MAP7D2: variants seen among roughly 807,000 people sequenced by gnomAD.
MAP7D2 encodes MAP7 domain containing 2.
Under a neutral mutation model 63.5 loss-of-function variants are expected in MAP7D2, and 33 were observed. The ratio of observed to expected loss-of-function variants is 0.52; its 90% confidence interval spans 0.39 to 0.70. MAP7D2 has a LOEUF of 0.70. Ranked by LOEUF, MAP7D2 falls within the 30% of genes least tolerant of loss-of-function variation. The probability of loss-of-function intolerance (pLI) is 0.00; values close to 1 mark genes in which losing one functional copy is unlikely to be tolerated. For synonymous variants in MAP7D2, 224 were observed against 223.7 expected, an observed-to-expected ratio of 1.00 and a Z score of -0.01; for missense variants, 626 against 604.0, an observed-to-expected ratio of 1.04 and a Z score of -0.38.
At position 20,034,564 on chromosome X, in the gene MAP7D2, T is replaced by C. The variant is rs182039422; in HGVS notation, c.1007+7938A>G. ...GGGCCTTTGGGAGGTGATTAGGTCA[T>C]GAAGGTGGAATCCTCCTGAATGGCA... is the stretch of plus-strand genomic sequence containing the variant. On this transcript the variant is annotated intron_variant, in intron 8 of 16. Transcript: ENST00000379643. 1.1e-3 allele frequency among the ~76,000 whole-genome samples: 118 copies of C among 111,488 alleles called. 1 individual carries two copies. The highest frequency in any genetic ancestry group is 5.7e-3 in the East Asian group (20 of 3,538).
At chrX:20,052,684 T>C (rs1231672577) in intron 5 of MAP7D2, among the ~76,000 whole-genome samples, 194 bp downstream of exon 5, 1 of 112,302 alleles carries the variant, frequency 8.9e-6, no homozygotes, top group Non-Finnish European at 1.9e-5. Flanking sequence ...AACAACGACC[T>C]GGCTCTAAAG....
chrX:20,054,845 G>A (rs996926036), intron 4 of MAP7D2, among the ~76,000 whole-genome samples: 5 of 111,928 alleles, frequency 4.5e-5, no homozygotes, highest in Middle Eastern at 4.6e-3. Flanking sequence ...GCCTCCCAAA[G>A]TGCTGGGATT....
chrX:20,112,802 C>T (rs774120602), intron 1 of MAP7D2, among the ~76,000 whole-genome samples: 1 of 111,770 alleles, frequency 8.9e-6, no homozygotes, highest in Non-Finnish European at 1.9e-5. Flanking sequence ...ATCAAATCCT[C>T]TCAACAAGAC....
intron 12 of MAP7D2, among the ~76,000 whole-genome samples, chrX:20,014,804 C>A (rs1259486664): frequency 1.8e-5 from 2 of 111,157 alleles, no homozygotes; most frequent in African/African-American, 6.6e-5. Context: ...GCAGGCTTAA[C>A]TTCCCGAGTT....
chrX:20,011,050 G>A lies in MAP7D2; in HGVS notation c.2075C>T (p.Pro692Leu). 8.3e-7 allele frequency: 1 copy of A among 1,206,699 alleles called. No homozygotes were observed. The highest frequency in any genetic ancestry group is 1.7e-5 in the African/African-American group (1 of 57,763). Reference protein sequence around the residue: ...TEEVQSMDVSPVSKEELISIP... With the variant: ...TEEVQSMDVSLVSKEELISIP... ...AGAGATAAGCTCTTCTTTTGAAACA[G>A]GACTAGAAGAGATGAACGAGAGGGA... The change falls in exon 16 of 17, where the codon CCT becomes CTT. Residue 692 changes from proline (P) to leucine (L), a missense_variant and splice_region_variant. Transcript: ENST00000379643.
Position 20,110,656 on chromosome X carries a change from CTG to C in MAP7D2, c.130+6092_130+6093del, listed in dbSNP as rs1273099856. On this transcript the variant is annotated intron_variant, in intron 1 of 16. Transcript: ENST00000379643. ...CCAGCCTGGGTGACAAAGTGAGACT[CTG>C]TCTCAAAAAAAAAAAAAAAAAAAAA... Among the ~76,000 whole-genome samples, 61 of 86,849 alleles carry C rather than the reference CTG, an allele frequency of 7.0e-4. 1 individual carries two copies. The highest frequency in any genetic ancestry group is 2.6e-3 in the African/African-American group (57 of 21,691). 75.4% of individuals were successfully genotyped at this position (86,849 alleles called of 115,157 possible).
intron 10 of MAP7D2, 41 bp downstream of exon 10, chrX:20,024,910 A>T: frequency 8.4e-7 from 1 of 1,191,366 alleles, no homozygotes; most frequent in Non-Finnish European, 1.1e-6. Flanking sequence ...CCAACACAAC[A>T]GTTACATGAG....
At chrX:20,090,033 T>A (rs1569135666) in intron 1 of MAP7D2, among the ~76,000 whole-genome samples, 1 of 111,848 alleles carries the variant, frequency 8.9e-6, no homozygotes, top group Non-Finnish European at 1.9e-5. Flanking sequence ...AATTCTATGC[T>A]ATTTACAATG....
intron 8 of MAP7D2, among the ~76,000 whole-genome samples, chrX:20,035,872 C>T (rs1021787233): frequency 5.4e-5 from 6 of 110,173 alleles, no homozygotes; most frequent in East Asian, 2.8e-4. Context: ...GAGATTGCAC[C>T]GTTGCACTCC....
At chrX:20,080,763 G>A (rs2065758519) in intron 1 of MAP7D2, among the ~76,000 whole-genome samples, 1 of 111,497 alleles carries the variant, frequency 9.0e-6, no homozygotes, top group African/African-American at 3.3e-5. Flanking sequence ...ATCACTAGGA[G>A]CATTAATTGA....
At chrX:20,039,058 G>A (rs2064576545) in intron 8 of MAP7D2, among the ~76,000 whole-genome samples, 1 of 112,615 alleles carries the variant, frequency 8.9e-6, no homozygotes, top group South Asian at 3.7e-4. Flanking sequence ...GGTGTTTGCT[G>A]AAGGCAAAGA....
chrX:20,030,010 CCCTGCTCACATTGCT>C (rs1026105096), intron 8 of MAP7D2, among the ~76,000 whole-genome samples: 2 of 111,896 alleles, frequency 1.8e-5, no homozygotes, highest in African/African-American at 3.3e-5. Context: ...CTCTGGCCAG[CCCTGCTCACATTGCT>C]GAAAGCCAAA....
At chrX:20,066,858 T>C (rs983633468) in intron 1 of MAP7D2, among the ~76,000 whole-genome samples, 2 of 111,988 alleles carry the variant, frequency 1.8e-5, no homozygotes, top group African/African-American at 6.5e-5. Flanking sequence ...TCCAGAGCCA[T>C]GTGTGGCTGA....
chrX:20,041,936 C>T lies in MAP7D2; in HGVS notation c.1007+566G>A, dbSNP rs886269637. ...GTCCCAGCTACTTGGGAGTCTGAGGCGGGGGGATCACTTGAGCCCAGGAGT... is the reference window on the plus strand; with the variant it reads ...GTCCCAGCTACTTGGGAGTCTGAGGTGGGGGGATCACTTGAGCCCAGGAGT... On this transcript the variant is annotated intron_variant, in intron 8 of 16. Transcript: ENST00000379643. Among the ~76,000 whole-genome samples, 5 of 111,074 alleles carry T rather than the reference C, an allele frequency of 4.5e-5. No homozygotes were observed. In the East Asian group the frequency reaches 1.1e-3, roughly 25 times the overall value.
At chrX:20,025,135 A>T in intron 9 of MAP7D2, 52 bp from the exon 10 acceptor site, 1 of 1,149,600 alleles carries the variant, frequency 8.7e-7, no homozygotes, top group Non-Finnish European at 1.2e-6. Context: ...AACGAATATA[A>T]TGATTCCACT....
Position 20,056,943 on chromosome X carries a change from A to G in MAP7D2, c.373-152T>C, listed in dbSNP as rs2065085146. 10 of 484,344 alleles carry G rather than the reference A, an allele frequency of 2.1e-5. No individual in the cohort carries two copies. The Admixed American group carries it at 3.2e-4, about 15-fold the overall frequency. 39.9% of individuals were successfully genotyped at this position (484,344 alleles called of 1,213,427 possible). ...GCATACGTGCTCTCTCTGCCACACC[A>G]GCGTGTTCTGAGTAGGTGGAGAGTA... On this transcript the variant is annotated intron_variant, in intron 3 of 16. Transcript: ENST00000379643.
intron 1 of MAP7D2, among the ~76,000 whole-genome samples, chrX:20,077,774 G>A (rs1297696787): frequency 8.9e-6 from 1 of 112,018 alleles, no homozygotes; most frequent in Admixed American, 9.5e-5. Flanking sequence ...TTACAACACT[G>A]CCAGTGTAAA....
chrX:20,036,406 C>T (rs756271388), intron 8 of MAP7D2, among the ~76,000 whole-genome samples: 8 of 106,368 alleles, frequency 7.5e-5, no homozygotes, highest in African/African-American at 1.7e-4. Context: ...CCACGCCTGG[C>T]TAATTTTTTG....
chrX:20,077,137 C>T (rs145490108), intron 1 of MAP7D2, among the ~76,000 whole-genome samples: 12 of 112,085 alleles, frequency 1.1e-4, no homozygotes, highest in African/African-American at 3.9e-4. Flanking sequence ...AAATCCTCTA[C>T]ACACGGTTAT....
Sources: allele counts gnomAD v4.1 joint callset (sites outside exome capture counted in the v4.1 genomes callset), GRCh38; gene constraint gnomAD v4.1.1; transcripts MANE v1.5; gene names NCBI Gene and HGNC (gene_info 2026-07-23, HGNC 2026-07-21).